RFWD3: variants seen among roughly 807,000 people sequenced by gnomAD.
The protein encoded by RFWD3 is E3 ubiquitin-protein ligase RFWD3.
Under a neutral mutation model 87.7 loss-of-function variants are expected in RFWD3, and 65 were observed. The ratio of observed to expected loss-of-function variants is 0.74; its 90% CI spans 0.61 to 0.91. RFWD3 has a LOEUF of 0.91. RFWD3 is among the 40% of genes least tolerant of loss of function. The pLI is 0.00. For synonymous variants in RFWD3, 433 were observed against 352.8 expected (o/e 1.23, Z -2.55); for missense variants, 1,078 against 938.5 (o/e 1.15, Z -1.94).
Position 74,628,683 on chromosome 16 carries a change from G to A in RFWD3, c.1755-17C>T, listed in dbSNP as rs747245848. The A allele has an allele frequency of 6.2e-7, 1 of 1,612,740 alleles. No homozygotes were observed. Among genetic ancestry groups the A allele is most frequent in the South Asian group, 1.1e-5 (1 of 91,050 alleles). ...AGTGGGCATCTGAAAGGAAAGTAAGGAAACTGTATCTCACACTCCAAAACT... is the reference window on the plus strand; with the variant it reads ...AGTGGGCATCTGAAAGGAAAGTAAGAAAACTGTATCTCACACTCCAAAACT... On this transcript the variant is annotated splice_polypyrimidine_tract_variant and intron_variant, in intron 10 of 12. Coordinates refer to ENST00000361070, the MANE Select transcript of RFWD3 (RefSeq NM_018124.4).
intron 2 of RFWD3, 118 bp downstream of exon 2, chr16:74,660,814 G>A: frequency 4.6e-6 from 5 of 1,088,632 alleles, no homozygotes; most frequent in Non-Finnish European, 6.7e-6. Context: ...TGAGGAACTG[G>A]GGGTCAGAAG....
At chr16:74,635,672 T>C (rs1369132271) in intron 8 of RFWD3, among the ~76,000 whole-genome samples, 1 of 152,220 alleles carries the variant, frequency 6.6e-6, no homozygotes, top group Non-Finnish European at 1.5e-5. Context: ...ATGATAAATC[T>C]TTTTATTAAA....
At chr16:74,629,245 A>G (rs749298525) in intron 10 of RFWD3, among the ~76,000 whole-genome samples, 6 of 151,466 alleles carry the variant, frequency 4.0e-5, no homozygotes, top group Non-Finnish European at 7.4e-5. Context: ...CGTTCGTGCC[A>G]AAGTTGCCAA....
At chr16:74,651,880 A>T in intron 3 of RFWD3, 40 bp downstream of exon 3, 1 of 1,570,552 alleles carries the variant, frequency 6.4e-7, no homozygotes, top group Non-Finnish European at 8.7e-7. Context: ...AGCTTCATGG[A>T]TGTTAGCCTT....
chr16:74,636,992 C>T (rs1227478258), intron 7 of RFWD3, among the ~76,000 whole-genome samples: 10 of 151,950 alleles, frequency 6.6e-5, no homozygotes, highest in Non-Finnish European at 1.0e-4. Flanking sequence ...GGATTACAGG[C>T]GTGAGCCACC....
intron 12 of RFWD3, 34 bp from the exon 13 acceptor site, chr16:74,624,105 T>C (rs768237871): frequency 6.2e-7 from 1 of 1,606,392 alleles, no homozygotes; most frequent in South Asian, 1.1e-5. Flanking sequence ...GGGTCAGGAG[T>C]CAGTCAGTAC....
At chr16:74,628,335 A>G (rs1371774962) in intron 11 of RFWD3, 117 bp downstream of exon 11, 5 of 903,254 alleles carry the variant, frequency 5.5e-6, no homozygotes, top group African/African-American at 1.7e-5. Flanking sequence ...GCTACAACAC[A>G]CCTCGTTAGC....
intron 2 of RFWD3, among the ~76,000 whole-genome samples, chr16:74,656,060 T>G (rs559659094): frequency 6.6e-6 from 1 of 152,266 alleles, no homozygotes; most frequent in South Asian, 2.1e-4. Flanking sequence ...TCAAGACTTA[T>G]TATTTAAGAA....
chr16:74,623,994 C>G lies in RFWD3; in HGVS notation c.2259G>C (p.Glu753Asp), dbSNP rs748660247. Residue 753 changes from glutamate (E) to aspartate (D), a missense_variant, in exon 13 of 13, where the codon GAG becomes GAC. Transcript: ENST00000361070. ...DQPVLDICPF[E>D]VNRNSYLATL... ...TAGCCAAGTAGCTGTTACGGTTCAC[C>G]TCAAATGGGCAGATGTCCAACACAG... is the stretch of plus-strand genomic sequence containing the variant. 1.2e-6 allele frequency: 2 copies of G among 1,614,092 alleles called. No individual in the cohort carries two copies. Among genetic ancestry groups the G allele is most frequent in the Non-Finnish European group, 8.5e-7 (1 of 1,180,004 alleles).
intron 12 of RFWD3, among the ~76,000 whole-genome samples, chr16:74,625,394 C>T (rs1237887720): frequency 6.6e-6 from 1 of 150,746 alleles, no homozygotes; most frequent in Non-Finnish European, 1.5e-5. Flanking sequence ...GGTTGGTGTG[C>T]ACCCAGCTAC....
In RFWD3 at chr16:74,636,520, G is replaced by A; in HGVS notation, c.1252C>T (p.Gln418Ter). 1 of 1,613,992 alleles carries A rather than the reference G, an allele frequency of 6.2e-7. No individual in the cohort carries two copies. Among genetic ancestry groups the A allele is most frequent in the Non-Finnish European group, 8.5e-7 (1 of 1,180,036 alleles). The change falls in exon 8 of 13, where the codon CAA (glutamine) becomes TAA (stop). Residue 418 changes from glutamine (Q) to a stop codon, truncating the protein, a stop_gained. Transcript: ENST00000361070. LOFTEE classifies it high-confidence loss of function. The stretch of plus-strand genomic sequence containing the variant: ...GGTGAGCAGCTCAGGACCCATGCTT[G>A]GGAGCCCCTGGGTTGCTGTAAATTC... ...SQNLQQPRGS[Q>*]AWVLSCSPSS...
intron 4 of RFWD3, among the ~76,000 whole-genome samples, chr16:74,645,389 A>T (rs1261883892): frequency 6.6e-6 from 1 of 152,258 alleles, no homozygotes; most frequent in Non-Finnish European, 1.5e-5. Context: ...ATGGGAATAC[A>T]TTCTGAGAAA....
intron 8 of RFWD3, among the ~76,000 whole-genome samples, chr16:74,635,471 GA>G (rs5817920): frequency 0.6 from 86,286 of 143,592 alleles, 26,205 homozygotes; most frequent in African/African-American, 0.77. Flanking sequence ...CATCTCAAAA[GA>G]AAAAAAAAAA....
At chr16:74,666,197 G>A (rs535699108) in intron 1 of RFWD3, 1 of 148,388 alleles carries the variant, frequency 6.7e-6, no homozygotes, top group African/African-American at 2.6e-5. Context: ...TAGATAGATA[G>A]ATAGATAGAT....
chr16:74,643,130 T>C (rs1180726648), intron 6 of RFWD3, among the ~76,000 whole-genome samples: 1 of 152,166 alleles, frequency 6.6e-6, no homozygotes, highest in Non-Finnish European at 1.5e-5. Flanking sequence ...TGACTACCTA[T>C]AGAGCTTTTT....
chr16:74,645,752 T>C (rs893948736), intron 4 of RFWD3, among the ~76,000 whole-genome samples: 142 of 140,634 alleles, frequency 1.0e-3, no homozygotes, highest in Middle Eastern at 3.5e-3. Context: ...TTTCTTTTTT[T>C]TTTTTTTTTT....
intron 11 of RFWD3, 100 bp from the exon 12 acceptor site, chr16:74,626,654 A>T (rs1160866285): frequency 3.6e-6 from 3 of 827,312 alleles, no homozygotes; most frequent in Non-Finnish European, 5.8e-6. Flanking sequence ...TGGATGGAAA[A>T]GCCATAAATG....
chr16:74,632,798 C>G (rs1597416101), intron 8 of RFWD3, 125 bp from the exon 9 acceptor site: 1 of 811,976 alleles, frequency 1.2e-6, no homozygotes, highest in Non-Finnish European at 1.9e-6. Flanking sequence ...ACCAGCTGGT[C>G]AAACAAAAAT....
intron 2 of RFWD3, 101 bp downstream of exon 2, chr16:74,660,831 G>C: frequency 7.3e-7 from 1 of 1,371,356 alleles, no homozygotes; most frequent in Non-Finnish European, 1.0e-6. Context: ...GAAGTTACCT[G>C]ACTTGCCAAA....
Sources: allele counts gnomAD v4.1 joint callset (sites outside exome capture counted in the v4.1 genomes callset), GRCh38; gene constraint gnomAD v4.1.1; transcripts MANE v1.5; gene names NCBI Gene and HGNC (gene_info 2026-07-23, HGNC 2026-07-21).